The following XYLT1 variants were observed in gnomAD, a reference collection of about 807,000 sequenced individuals.
XYLT1 encodes the protein beta-D-xylosyltransferase 1.
In XYLT1, 36 loss-of-function variants were observed where a neutral mutation model predicts 91.3. The ratio of observed to expected loss-of-function variants is 0.39; its 90% CI spans 0.30 to 0.52. The LOEUF (loss-of-function observed/expected upper bound fraction) is 0.52, where lower values mean the gene tolerates loss of function less well. Among genes scored for constraint, XYLT1 ranks in the 20% least tolerant of loss-of-function variants. XYLT1 has a pLI of 0.68. For synonymous variants in XYLT1, 588 were observed against 532.0 expected (o/e 1.11, Z -1.45); for missense variants, 1,242 against 1,284.5 (o/e 0.97, Z 0.51).
chr16:17,149,931 T>C (rs968477439), intron 6 of XYLT1, among the ~76,000 whole-genome samples: 1 of 152,218 alleles, frequency 6.6e-6, no homozygotes, highest in African/African-American at 2.4e-5. Context: ...TCCATTACGA[T>C]GCTTTATGTT....
At chr16:17,378,256 G>C (rs1236248527) in intron 1 of XYLT1, among the ~76,000 whole-genome samples, 3 of 152,090 alleles carry the variant, frequency 2.0e-5, no homozygotes, top group Admixed American at 6.5e-5. Context: ...GAAAGAGGAA[G>C]AGACTGCAGT....
At chr16:17,289,449 G>C (rs948698792) in intron 2 of XYLT1, among the ~76,000 whole-genome samples, 1 of 152,136 alleles carries the variant, frequency 6.6e-6, no homozygotes, top group South Asian at 2.1e-4. Flanking sequence ...CATGTGACAA[G>C]TACCTCTCAA....
At chr16:17,444,270 C>T (rs978764966) in intron 1 of XYLT1, among the ~76,000 whole-genome samples, 4 of 152,170 alleles carry the variant, frequency 2.6e-5, no homozygotes, top group African/African-American at 9.7e-5. Flanking sequence ...CTAAACTAAT[C>T]CTATTTATAT....
At position 17,465,803 on chromosome 16, in the gene XYLT1, A is replaced by G. The variant is rs2036889158; in HGVS notation, c.363+4631T>C. ...ATACCAAGAATTTCCTTTTAAGAACAGCTCATTTTTGAACACTGATTAAGG... is the reference window on the plus strand; with the variant it reads ...ATACCAAGAATTTCCTTTTAAGAACGGCTCATTTTTGAACACTGATTAAGG... On this transcript the variant is annotated intron_variant, in intron 1 of 11. Transcript: ENST00000261381. Among the ~76,000 whole-genome samples, 4 of 152,214 alleles carry G rather than the reference A, an allele frequency of 2.6e-5. No homozygotes were observed. In the South Asian group the frequency reaches 8.3e-4, roughly 32 times the overall value.
At chr16:17,307,859 C>T (rs773940306) in intron 2 of XYLT1, among the ~76,000 whole-genome samples, 117 of 152,230 alleles carry the variant, frequency 7.7e-4, no homozygotes, top group Non-Finnish European at 1.4e-3. Context: ...AAGGAGAGGG[C>T]AGTGAAGGGT....
At chr16:17,156,577 G>C (rs765739881) in intron 6 of XYLT1, among the ~76,000 whole-genome samples, 5 of 152,228 alleles carry the variant, frequency 3.3e-5, no homozygotes, top group African/African-American at 4.8e-5. Context: ...GTGATCTTCA[G>C]AAAAATCAGG....
At chr16:17,290,852 G>A (rs1397029517) in intron 2 of XYLT1, among the ~76,000 whole-genome samples, 1 of 152,172 alleles carries the variant, frequency 6.6e-6, no homozygotes, top group African/African-American at 2.4e-5. Context: ...AGATAGAGGT[G>A]GTTACAATGT....
rs76227520 is a variant in XYLT1, at chr16:17,115,189, G to T, written c.2557+2457C>A. Among the ~76,000 whole-genome samples, 922 of 152,024 alleles carry T rather than the reference G, an allele frequency of 6.1e-3. 37 individuals are homozygous for T. In the East Asian group the frequency reaches 0.074, roughly 12 times the overall value. ...TAAGACTCTTCCTTGTTGGGGCTGG[G>T]TGTGGTGGGTGGCTCACGCCTGTAA... On this transcript the variant is annotated intron_variant, in intron 11 of 11. Coordinates refer to ENST00000261381, the MANE Select transcript of XYLT1 (RefSeq NM_022166.4).
chr16:17,122,236 TC>T (rs1226474689), intron 10 of XYLT1, among the ~76,000 whole-genome samples: 1 of 152,222 alleles, frequency 6.6e-6, no homozygotes, highest in African/African-American at 2.4e-5. Flanking sequence ...ATAAAAGCGT[TC>T]CCTTTTCACC....
chr16:17,144,537 C>G (rs943561830), intron 6 of XYLT1, among the ~76,000 whole-genome samples: 20 of 152,032 alleles, frequency 1.3e-4, no homozygotes, highest in Non-Finnish European at 7.4e-5. Context: ...TTGAGTCAGA[C>G]TAGGAGGGGT....
chr16:17,198,469 C>G (rs2032475057), intron 4 of XYLT1, 55 bp from the exon 5 acceptor site: 18 of 1,548,358 alleles, frequency 1.2e-5, no homozygotes, highest in Middle Eastern at 1.7e-4. Context: ...AATACCCAGG[C>G]ATGCCCCTCA....
chr16:17,140,183 C>T (rs4782031), intron 7 of XYLT1, among the ~76,000 whole-genome samples: 76,923 of 152,026 alleles, frequency 0.51, 22,589 homozygotes, highest in Non-Finnish European at 0.65. Flanking sequence ...AGAACTGGAT[C>T]CCCTCCCCAC....
intron 11 of XYLT1, among the ~76,000 whole-genome samples, chr16:17,112,385 G>A (rs965552565): frequency 3.3e-5 from 5 of 151,648 alleles, no homozygotes; most frequent in African/African-American, 4.9e-5. Flanking sequence ...CTCGGTGGGG[G>A]TAAAATGACT....
intron 1 of XYLT1, among the ~76,000 whole-genome samples, chr16:17,464,689 A>C (rs1345091292): frequency 1.3e-5 from 2 of 152,152 alleles, no homozygotes; most frequent in Non-Finnish European, 2.9e-5. Context: ...CACCTAACAC[A>C]TCATAACTGC....
At position 17,347,430 on chromosome 16, in the gene XYLT1, G is replaced by T. The variant is rs895181227; in HGVS notation, c.402+10582C>A. Among the ~76,000 whole-genome samples the T allele has an allele frequency of 4.6e-5, 7 of 152,344 alleles. 1 individual carries two copies. The highest frequency in any genetic ancestry group is 1.3e-4 in the Admixed American group (2 of 15,302). ...ATACTCCAAGCTGACCCTGCCTGGG[G>T]CATCTCTTCTCACACATGTGGCTTC... On this transcript the variant is annotated intron_variant, in intron 2 of 11. Transcript: ENST00000261381.
At chr16:17,114,504 T>A (rs1169796668) in intron 11 of XYLT1, among the ~76,000 whole-genome samples, 1 of 152,190 alleles carries the variant, frequency 6.6e-6, no homozygotes, top group Non-Finnish European at 1.5e-5. Context: ...AATTTCCCCA[T>A]GTATTTTGCT....
At chr16:17,350,307 G>T (rs80279258) in intron 2 of XYLT1, among the ~76,000 whole-genome samples, 6 of 152,228 alleles carry the variant, frequency 3.9e-5, no homozygotes, top group Non-Finnish European at 8.8e-5. Flanking sequence ...TGGTGCATGT[G>T]GCTGCACTTT....
intron 2 of XYLT1, among the ~76,000 whole-genome samples, chr16:17,295,958 C>T (rs886229961): frequency 6.6e-6 from 1 of 152,112 alleles, no homozygotes; most frequent in Non-Finnish European, 1.5e-5. Context: ...CTGATGATAA[C>T]ACAGACTGTA....
chr16:17,359,297 G>C (rs2035348903), intron 1 of XYLT1, among the ~76,000 whole-genome samples: 1 of 152,194 alleles, frequency 6.6e-6, no homozygotes, highest in Non-Finnish European at 1.5e-5. Context: ...GTTTTAGGAA[G>C]CCATGCAAAT....
Sources: allele counts gnomAD v4.1 joint callset (sites outside exome capture counted in the v4.1 genomes callset), GRCh38; gene constraint gnomAD v4.1.1; transcripts MANE v1.5; gene names NCBI Gene and HGNC (gene_info 2026-07-23, HGNC 2026-07-21).